The following ANKS1B variants were observed in gnomAD, a reference collection of about 807,000 sequenced individuals.
The protein encoded by ANKS1B is ankyrin repeat and sterile alpha motif domain-containing protein 1B.
ANKS1B carries 36 observed loss-of-function variants against 148.3 expected under a neutral mutation model. The observed-to-expected ratio is 0.24, with a 90% CI of 0.19 to 0.32. The LOEUF is 0.32. Ranked by LOEUF, ANKS1B falls within the 10% of genes least tolerant of loss-of-function variation. The pLI, the probability that ANKS1B is intolerant of heterozygous loss-of-function variation, is 1.00. For missense variants in ANKS1B, 1,157 were observed against 1,542.6 expected (o/e 0.75, Z 4.19); for synonymous variants, 542 against 560.8 (o/e 0.97, Z 0.47).
rs1374917669 is a variant in ANKS1B, at chr12:99,504,541, A to C, written c.1373T>G (p.Met458Arg). 1 of 1,613,102 alleles carries C rather than the reference A, an allele frequency of 6.2e-7. No individual in the cohort carries two copies. Among genetic ancestry groups the C allele is most frequent in the Admixed American group, 1.7e-5 (1 of 59,818 alleles). ...SENENFLCDL[M>R]DTAVTKKPCS... Reference sequence around the variant, plus strand: ...AGGTTTCTTTGTAACAGCTGTGTCCATGAGATCACACAGAAAGTTCTCATT... The same window carrying C: ...AGGTTTCTTTGTAACAGCTGTGTCCCTGAGATCACACAGAAAGTTCTCATT... Residue 458 changes from methionine (M) to arginine (R), a missense_variant, in exon 10 of 27, where the codon ATG (methionine) becomes AGG (arginine). Transcript: ENST00000683438.
chr12:99,949,070 T>C (rs534472896), intron 1 of ANKS1B, among the ~76,000 whole-genome samples: 81 of 152,304 alleles, frequency 5.3e-4, no homozygotes, highest in African/African-American at 1.4e-3. Flanking sequence ...TTAAGAGCCA[T>C]ATGAAATATT....
intron 9 of ANKS1B, among the ~76,000 whole-genome samples, chr12:99,642,869 C>T (rs966117897): frequency 6.6e-6 from 1 of 152,138 alleles, no homozygotes; most frequent in Non-Finnish European, 1.5e-5. Flanking sequence ...AAGGGGCCAC[C>T]TGTATTCCTT....
chr12:99,496,375 G>A (rs980160580), intron 10 of ANKS1B, among the ~76,000 whole-genome samples: 4 of 152,052 alleles, frequency 2.6e-5, no homozygotes, highest in Non-Finnish European at 5.9e-5. Context: ...CCATTCATTC[G>A]TTCATTCAAT....
intron 12 of ANKS1B, among the ~76,000 whole-genome samples, chr12:99,393,743 G>C (rs553719596): frequency 1.3e-5 from 2 of 152,100 alleles, no homozygotes; most frequent in Admixed American, 1.3e-4. Flanking sequence ...TTAATACCTT[G>C]ACTCCAGCAA....
chr12:99,074,833 T>C (rs975666977), intron 16 of ANKS1B, among the ~76,000 whole-genome samples: 1 of 152,176 alleles, frequency 6.6e-6, no homozygotes, highest in African/African-American at 2.4e-5. Context: ...GTCTAATAAA[T>C]ATTAACTGGG....
At chr12:99,617,402 T>C (rs1259323962) in intron 9 of ANKS1B, among the ~76,000 whole-genome samples, 2 of 152,082 alleles carry the variant, frequency 1.3e-5, no homozygotes, top group Non-Finnish European at 2.9e-5. Flanking sequence ...TGCCCATCAA[T>C]GATAGACTGG....
intron 10 of ANKS1B, among the ~76,000 whole-genome samples, chr12:99,501,055 G>A (rs1348699476): frequency 6.6e-6 from 1 of 151,732 alleles, no homozygotes; most frequent in Admixed American, 6.6e-5. Flanking sequence ...ATGTGTGTAT[G>A]TGTAAGTAAT....
chr12:99,954,399 C>T (rs2153825737), intron 1 of ANKS1B, among the ~76,000 whole-genome samples: 1 of 152,302 alleles, frequency 6.6e-6, no homozygotes, highest in South Asian at 2.1e-4. Context: ...ACTCCAATCT[C>T]CTTTGTCCAA....
intron 12 of ANKS1B, among the ~76,000 whole-genome samples, chr12:99,371,693 T>C (rs114291601): frequency 0.017 from 2,580 of 152,178 alleles, 77 homozygotes; most frequent in African/African-American, 0.059. Context: ...GTTTTACAAT[T>C]TCATATCTAA....
intron 14 of ANKS1B, among the ~76,000 whole-genome samples, chr12:99,182,270 TC>T (rs958578132): frequency 6.6e-6 from 1 of 152,008 alleles, no homozygotes; most frequent in African/African-American, 2.4e-5. Flanking sequence ...TCCTACCAGT[TC>T]CCTCCCCCAA....
chr12:99,852,974 T>G (rs1161184144), intron 1 of ANKS1B, among the ~76,000 whole-genome samples: 1 of 152,118 alleles, frequency 6.6e-6, no homozygotes, highest in Non-Finnish European at 1.5e-5. Flanking sequence ...GCAACCTGTG[T>G]GAGCAGCAGA....
At chr12:99,270,187 C>A (rs1213506734) in intron 12 of ANKS1B, among the ~76,000 whole-genome samples, 1 of 152,208 alleles carries the variant, frequency 6.6e-6, no homozygotes, top group Non-Finnish European at 1.5e-5. Flanking sequence ...ACTCTTCCTT[C>A]TCTCTTACCT....
chr12:99,184,781 C>G (rs1315003782), intron 14 of ANKS1B, among the ~76,000 whole-genome samples: 1 of 152,204 alleles, frequency 6.6e-6, no homozygotes, highest in Admixed American at 6.5e-5. Context: ...CTGCCACTTA[C>G]TAACTAGGTC....
chr12:99,830,225 G>GA (rs1002133782), intron 1 of ANKS1B, among the ~76,000 whole-genome samples: 15 of 152,076 alleles, frequency 9.9e-5, no homozygotes, highest in African/African-American at 3.6e-4. Flanking sequence ...ATCTAATAGA[G>GA]AAAAATATAT....
intron 12 of ANKS1B, among the ~76,000 whole-genome samples, chr12:99,305,720 T>C (rs1173661585): frequency 6.6e-6 from 1 of 152,088 alleles, no homozygotes; most frequent in Non-Finnish European, 1.5e-5. Context: ...AAAGCTTGAA[T>C]AACCACAGAA....
chr12:99,912,621 G>T (rs1002380481), intron 1 of ANKS1B, among the ~76,000 whole-genome samples: 4 of 152,036 alleles, frequency 2.6e-5, no homozygotes, highest in African/African-American at 9.7e-5. Flanking sequence ...CAAAGTACTG[G>T]GATTACAGGC....
At chr12:98,854,887 C>A (rs555073690) in intron 17 of ANKS1B, among the ~76,000 whole-genome samples, 8 of 152,290 alleles carry the variant, frequency 5.3e-5, no homozygotes, top group Admixed American at 3.3e-4. Context: ...TGGCCGGGCG[C>A]GGTGGCTCAC....
intron 14 of ANKS1B, among the ~76,000 whole-genome samples, chr12:99,181,789 T>C (rs2079146050): frequency 6.6e-6 from 1 of 152,024 alleles, no homozygotes; most frequent in African/African-American, 2.4e-5. Context: ...ATTCTTTGTG[T>C]TACAAACAGT....
chr12:99,939,105 CTTTTGA>C (rs1242987431), intron 1 of ANKS1B, among the ~76,000 whole-genome samples: 1 of 151,996 alleles, frequency 6.6e-6, no homozygotes, highest in African/African-American at 2.4e-5. Context: ...TAAAAAATTT[CTTTTGA>C]GACAGGGTCT....
Sources: gnomAD v4.1 joint callset for allele counts (sites outside exome capture counted in the v4.1 genomes callset) on GRCh38, gnomAD v4.1.1 for gene constraint, MANE v1.5 for transcripts, NCBI Gene and HGNC (gene_info 2026-07-23, HGNC 2026-07-21) for gene names.